Variants in NBAS observed in about 807,000 individuals in gnomAD.
NBAS encodes NAG/BC035112 fusion.
NBAS carries 219 observed loss-of-function variants against 302.5 expected under a neutral mutation model. The ratio of observed to expected loss-of-function variants is 0.72; its 90% CI spans 0.65 to 0.81. The LOEUF is 0.81. Ranked by LOEUF, NBAS falls within the 30% of genes least tolerant of loss-of-function variation. The probability of loss-of-function intolerance (pLI) is 0.00; values close to 1 mark genes in which losing one functional copy is unlikely to be tolerated. For synonymous variants in NBAS, 1,118 were observed against 1,021.6 expected, an observed-to-expected ratio of 1.09 and a Z score of -1.80; for missense variants, 2,932 against 2,841.6, an observed-to-expected ratio of 1.03 and a Z score of -0.72.
chr2:15,469,728 A>G lies in NBAS; in HGVS notation c.1726-1195T>C, dbSNP rs564534154. ...TGGAAACCATCATTCTGAGCAAACTATCACAAGGACAGAAAACCAAACACC... is the reference window on the plus strand; with the variant it reads ...TGGAAACCATCATTCTGAGCAAACTGTCACAAGGACAGAAAACCAAACACC... On this transcript the variant is annotated intron_variant, in intron 16 of 51. Transcript: ENST00000281513. 2.0e-5 allele frequency among the ~76,000 whole-genome samples: 3 copies of G among 151,962 alleles called. No individual in the cohort carries two copies. The South Asian group carries it at 6.3e-4, about 32-fold the overall frequency.
At chr2:15,100,110 C>T in the NBAS span, among the ~76,000 whole-genome samples, 7 of 152,216 alleles carry the variant, frequency 4.6e-5, no homozygotes, top group African/African-American at 1.4e-4. Context: ...GCATCATTCA[C>T]ACTGTATTCT....
At chr2:15,305,199 C>T (rs969561100) in intron 40 of NBAS, among the ~76,000 whole-genome samples, 11 of 152,200 alleles carry the variant, frequency 7.2e-5, no homozygotes, top group Admixed American at 2.0e-4. Flanking sequence ...AAGGGAGAGG[C>T]CAGGTGGAGG....
intron 50 of NBAS, 46 bp downstream of exon 50, chr2:15,186,696 T>A (rs762363687): frequency 1.9e-6 from 3 of 1,613,244 alleles, no homozygotes; most frequent in East Asian, 4.5e-5. Context: ...AGAGTTCTGA[T>A]AAGCAAAGGC....
chr2:15,427,761 C>A lies in NBAS; in HGVS notation c.2373G>T (p.Trp791Cys), dbSNP rs927816752. The A allele has an allele frequency of 6.2e-7, 1 of 1,613,312 alleles. No homozygotes were observed. The highest frequency in any genetic ancestry group is 1.3e-5 in the African/African-American group (1 of 74,934). Residue 791 changes from tryptophan to cysteine, a missense_variant, in exon 22 of 52, where the codon TGG (tryptophan) becomes TGT (cysteine). Physicochemically the swap from Trp to Cys is radical, Grantham distance 215. Transcript: ENST00000281513. ...FNGDSLMIIP[W>C]HEHKHRAKDW... ...CTTTAGCTCGGTGTTTATGTTCATG[C>A]CAAGGAATGATCATCAGGGAGTCAC...
chr2:15,111,242 T>C, the NBAS span, among the ~76,000 whole-genome samples: 1 of 152,150 alleles, frequency 6.6e-6, no homozygotes, highest in African/African-American at 2.4e-5. Context: ...TAGGTGTGTC[T>C]TTTAATCTCT....
chr2:15,317,321 A>G (rs1036527575), intron 38 of NBAS, among the ~76,000 whole-genome samples: 1 of 152,194 alleles, frequency 6.6e-6, no homozygotes, highest in East Asian at 1.9e-4. Flanking sequence ...TGAAAATTCT[A>G]AAAACCAGAG....
chr2:15,085,732 C>A, the NBAS span, among the ~76,000 whole-genome samples: 1 of 152,170 alleles, frequency 6.6e-6, no homozygotes, highest in Admixed American at 6.5e-5. Context: ...GAAGTGCCTG[C>A]TCCCACTACC....
At chr2:15,194,126 C>T (rs924100708) in intron 48 of NBAS, among the ~76,000 whole-genome samples, 4 of 151,872 alleles carry the variant, frequency 2.6e-5, no homozygotes, top group Admixed American at 6.6e-5. Context: ...GGAGAAAGAG[C>T]GTGAAGCTAA....
chr2:15,034,037 A>AAGAAGAAGAAGAAGG, the NBAS span, among the ~76,000 whole-genome samples: 56 of 42,008 alleles, frequency 1.3e-3, 3 homozygotes, highest in Admixed American at 0.012. Flanking sequence ...GAGGAGGAGG[A>AAGAAGAAGAAGAAGG]AGGAGGAGGA....
At position 15,287,064 on chromosome 2, in the gene NBAS, T is replaced by C. The variant is rs1670074416; in HGVS notation, c.5138+9A>G. ...TGGAAACAAACGTACATATGAACTG[T>C]GTGCTTACCCACTGTCCGTGAAGAG... On this transcript the variant is annotated intron_variant, in intron 42 of 51. Coordinates refer to ENST00000281513, the MANE Select transcript of NBAS (RefSeq NM_015909.4). 1.3e-6 allele frequency: 2 copies of C among 1,579,114 alleles called. No homozygotes were observed. The highest frequency in any genetic ancestry group is 2.2e-5 in the East Asian group (1 of 44,698).
chr2:15,553,500 G>GA (rs1553337482), intron 4 of NBAS, 27 bp from the exon 5 acceptor site: 1 of 1,588,146 alleles, frequency 6.3e-7, no homozygotes, highest in Admixed American at 1.7e-5. Flanking sequence ...AGAGGGGGAA[G>GA]AAAATCTATT....
intron 40 of NBAS, among the ~76,000 whole-genome samples, chr2:15,304,394 T>C (rs1416515154): frequency 1.3e-5 from 2 of 152,152 alleles, no homozygotes; most frequent in African/African-American, 2.4e-5. Flanking sequence ...AAGTCTCAGG[T>C]AGTTCTTTAC....
At chr2:14,806,635 AC>A in the NBAS span, among the ~76,000 whole-genome samples, 4 of 152,026 alleles carry the variant, frequency 2.6e-5, no homozygotes, top group Non-Finnish European at 5.9e-5. Flanking sequence ...CAAATCATTC[AC>A]CCCCGAAAAC....
At chr2:14,796,759 C>T in the NBAS span, among the ~76,000 whole-genome samples, 5 of 151,730 alleles carry the variant, frequency 3.3e-5, no homozygotes, top group African/African-American at 7.3e-5. Context: ...CTGCTCTTTC[C>T]GGATTGATTC....
the NBAS span, among the ~76,000 whole-genome samples, chr2:14,913,046 T>C: frequency 7.2e-5 from 11 of 152,280 alleles, no homozygotes; most frequent in East Asian, 2.1e-3. Flanking sequence ...ACAAAACCCA[T>C]TTATAAGAGG....
chr2:15,463,711 C>T (rs184674113), intron 19 of NBAS, among the ~76,000 whole-genome samples: 1 of 146,534 alleles, frequency 6.8e-6, no homozygotes, highest in Non-Finnish European at 1.5e-5. Flanking sequence ...AGATATGCCA[C>T]AAAACCAAGC....
intron 38 of NBAS, among the ~76,000 whole-genome samples, chr2:15,326,177 C>T (rs6431691): frequency 0.55 from 84,130 of 152,022 alleles, 24,748 homozygotes; most frequent in East Asian, 0.85. Flanking sequence ...GTTTGAAATA[C>T]TGTGAGAATT....
the NBAS span, among the ~76,000 whole-genome samples, chr2:15,081,567 C>A: frequency 6.6e-6 from 1 of 152,218 alleles, no homozygotes; most frequent in Non-Finnish European, 1.5e-5. Context: ...AAAGGCATTG[C>A]GCAAGAATAC....
At chr2:15,207,373 C>T (rs1666196479) in intron 48 of NBAS, among the ~76,000 whole-genome samples, 2 of 152,210 alleles carry the variant, frequency 1.3e-5, no homozygotes, top group Middle Eastern at 3.4e-3. Context: ...TTTACAGGCT[C>T]GTAAGTGAAA....
Sources: gnomAD v4.1 joint callset for allele counts (sites outside exome capture counted in the v4.1 genomes callset) on GRCh38, gnomAD v4.1.1 for gene constraint, MANE v1.5 for transcripts, NCBI Gene and HGNC (gene_info 2026-07-23, HGNC 2026-07-21) for gene names.